EPB41: variants seen among roughly 807,000 people sequenced by gnomAD.
EPB41 encodes protein 4.1.
Under a neutral mutation model 108.0 loss-of-function variants are expected in EPB41, and 65 were observed. The observed-to-expected ratio is 0.60, with a 90% CI of 0.49 to 0.74. The LOEUF is 0.74. EPB41 is among the 30% of genes least tolerant of loss of function. The pLI is 0.00. For missense variants in EPB41, 875 were observed against 1,037.0 expected, an observed-to-expected ratio of 0.84 and a Z score of 2.15; for synonymous variants, 336 against 358.9, an observed-to-expected ratio of 0.94 and a Z score of 0.72.
intron 1 of EPB41, among the ~76,000 whole-genome samples, chr1:28,975,688 G>T (rs2095587273): frequency 6.6e-6 from 1 of 152,058 alleles, no homozygotes; most frequent in Non-Finnish European, 1.5e-5. Flanking sequence ...GAAATATGTG[G>T]CCAGGCGCGG....
chr1:28,936,522 C>T (rs570060588), intron 1 of EPB41, among the ~76,000 whole-genome samples: 22 of 152,278 alleles, frequency 1.4e-4, no homozygotes, highest in African/African-American at 4.6e-4. Context: ...TTTCATTACT[C>T]CAAGAAACCC....
intron 4 of EPB41, among the ~76,000 whole-genome samples, chr1:29,002,037 A>C (rs977146198): frequency 3.9e-5 from 6 of 152,226 alleles, no homozygotes; most frequent in African/African-American, 1.2e-4. Context: ...AAGTTAGATA[A>C]GTTACTTGTC....
intron 1 of EPB41, among the ~76,000 whole-genome samples, chr1:28,940,414 G>A (rs1204457559): frequency 1.3e-5 from 2 of 152,196 alleles, no homozygotes; most frequent in Non-Finnish European, 2.9e-5. Flanking sequence ...CACTTTGGGA[G>A]GCCGAGGTGG....
chr1:29,013,779 T>C (rs1407566191), intron 5 of EPB41, among the ~76,000 whole-genome samples: 1 of 151,500 alleles, frequency 6.6e-6, no homozygotes, highest in African/African-American at 2.4e-5. Context: ...TCCACCCTCC[T>C]TGGCCTCCCA....
chr1:28,898,936 G>A (rs76379060), intron 1 of EPB41, among the ~76,000 whole-genome samples: 8,664 of 152,124 alleles, frequency 0.057, 647 homozygotes, highest in African/African-American at 0.17. Context: ...TGGTGCTTTC[G>A]TGAAGAGTGT....
intron 1 of EPB41, among the ~76,000 whole-genome samples, chr1:28,968,725 AG>A (rs1199145462): frequency 6.6e-6 from 1 of 152,088 alleles, no homozygotes; most frequent in African/African-American, 2.4e-5. Flanking sequence ...GCGCTTTGGG[AG>A]GCCGAGACGG....
Position 29,058,643 on chromosome 1 carries a change from C to T in EPB41, c.1900C>T (p.Gln634Ter). 6.2e-7 allele frequency: 1 copy of T among 1,613,540 alleles called. No homozygotes were observed. The change falls in exon 13 of 21, where the codon CAG (glutamine) becomes TAG (stop). Residue 634 changes from glutamine to a stop codon, truncating the protein, a stop_gained and splice_region_variant. Coordinates refer to ENST00000343067, the MANE Select transcript of EPB41 (RefSeq NM_001376013.1). LOFTEE classifies it high-confidence loss of function. ...TVPTSNGDQT[Q>*]KLAEKTEDLI... is the part of the protein sequence containing the mutation. The stretch of plus-strand genomic sequence containing the variant: ...ACCCACCTCAAATGGTGACCAAACA[C>T]AGGTTTGTGCCAATAGGCCACTTGT...
chr1:28,911,561 C>G (rs157197), upstream of EPB41, among the ~76,000 whole-genome samples: 17,082 of 152,186 alleles, frequency 0.11, 1,222 homozygotes, highest in African/African-American at 0.21. Flanking sequence ...TCTGAATTTG[C>G]TGGATAACTT....
At chr1:29,035,235 G>A (rs528240633) in intron 9 of EPB41, among the ~76,000 whole-genome samples, 8 of 151,968 alleles carry the variant, frequency 5.3e-5, no homozygotes, top group Middle Eastern at 3.4e-3. Context: ...TGCCCACCTC[G>A]GCCTCCCAAA....
At chr1:29,066,555 A>G (rs1259979752) in intron 16 of EPB41, among the ~76,000 whole-genome samples, 1 of 152,274 alleles carries the variant, frequency 6.6e-6, no homozygotes, top group South Asian at 2.1e-4. Flanking sequence ...AAATATTTAT[A>G]TAGTCACAAT....
intron 16 of EPB41, among the ~76,000 whole-genome samples, chr1:29,092,322 C>CCT (rs1661553204): frequency 1.3e-5 from 2 of 151,884 alleles, no homozygotes; most frequent in African/African-American, 4.8e-5. Context: ...GAACTCCCAA[C>CCT]CTCAGGTGAT....
At chr1:28,902,356 G>A in intron 1 of EPB41, 3 of 985,384 alleles carry the variant, frequency 3.0e-6, no homozygotes, top group Non-Finnish European at 3.6e-6. Context: ...CTGTTTGGCT[G>A]TTGGGTCCGC....
upstream of EPB41, among the ~76,000 whole-genome samples, chr1:28,911,960 G>A (rs538509523): frequency 1.3e-3 from 194 of 152,280 alleles, 1 homozygote; most frequent in Non-Finnish European, 2.2e-3. Flanking sequence ...AGAATCGCTT[G>A]AACCTGGGAG....
intron 16 of EPB41, among the ~76,000 whole-genome samples, chr1:29,079,059 G>A (rs528508515): frequency 2.6e-5 from 4 of 151,554 alleles, no homozygotes; most frequent in East Asian, 3.9e-4. Flanking sequence ...GCAATGGTGC[G>A]ATCTCGGCTC....
chr1:29,069,696 C>G (rs1650322832), intron 16 of EPB41: 1 of 155,010 alleles, frequency 6.5e-6, no homozygotes, highest in African/African-American at 2.4e-5. Context: ...TTGTCTGAGA[C>G]AGACTGTTGT....
intron 16 of EPB41, among the ~76,000 whole-genome samples, chr1:29,076,886 G>A (rs781386555): frequency 6.6e-6 from 1 of 151,848 alleles, no homozygotes; most frequent in African/African-American, 2.4e-5. Context: ...CAGCCTGGGC[G>A]ACACAGCATG....
intron 11 of EPB41, among the ~76,000 whole-genome samples, chr1:29,043,674 TCA>T (rs1642319111): frequency 6.6e-6 from 1 of 152,146 alleles, no homozygotes; most frequent in South Asian, 2.1e-4. Flanking sequence ...GCCTTGTGGG[TCA>T]CAGTAAAGAG....
intron 1 of EPB41, among the ~76,000 whole-genome samples, chr1:28,977,800 T>C (rs1218834770): frequency 1.3e-5 from 2 of 152,212 alleles, no homozygotes; most frequent in East Asian, 3.9e-4. Flanking sequence ...AGAACATGAC[T>C]GCATGGCATT....
Position 28,887,666 on chromosome 1 carries a change from G to T in EPB41, c.-8+456G>T. 1.0e-6 allele frequency: 1 copy of T among 985,124 alleles called. No individual in the cohort carries two copies. Among genetic ancestry groups the T allele is most frequent in the South Asian group, 4.7e-5 (1 of 21,278 alleles). 61.0% of individuals were successfully genotyped at this position (985,124 alleles called of 1,614,324 possible). A position where few individuals can be genotyped will look rare whatever the true frequency, so the allele number is the denominator to read the frequency against. On this transcript the variant is annotated intron_variant, in intron 1 of 16. Transcript: ENST00000347529. The surrounding 1 kb of genome is among the most constrained non-coding windows in gnomAD (Gnocchi z 4.9). ...GCTAGCAGCGGGAGGGGGCTCCGGG[G>T]CCTGGAGCCCCGCGCCCCGCTCCGG...
Sources: allele counts gnomAD v4.1 joint callset (sites outside exome capture counted in the v4.1 genomes callset), GRCh38; gene constraint gnomAD v4.1.1; non-coding constraint Gnocchi (gnomAD v3.1); transcripts MANE v1.5; gene names NCBI Gene and HGNC (gene_info 2026-07-23, HGNC 2026-07-21).